SEC16A: variants seen among roughly 807,000 people sequenced by gnomAD.
The protein encoded by SEC16A is SEC16 homolog A, endoplasmic reticulum export factor.
A neutral mutation model predicts 221.9 loss-of-function variants in SEC16A; 110 were observed. That is an observed-to-expected ratio of 0.50 (90% confidence interval 0.42 to 0.58). SEC16A has a LOEUF of 0.58. Ranked by LOEUF, SEC16A falls within the 20% of genes least tolerant of loss-of-function variation. SEC16A has a pLI of 0.00. For synonymous variants in SEC16A, 1,393 were observed against 1,257.7 expected, an observed-to-expected ratio of 1.11 and a Z score of -2.28; for missense variants, 3,165 against 3,097.8, an observed-to-expected ratio of 1.02 and a Z score of -0.52.
rs761311945 is a variant in SEC16A, at chr9:136,443,862, G to C, written c.6966C>G (p.Ser2322Arg). 5 of 1,611,034 alleles carry C rather than the reference G, an allele frequency of 3.1e-6. No individual in the cohort carries two copies. The African/African-American group carries it at 5.4e-5, about 17-fold the overall frequency. ...GDLPAAGGPP[S>R]GAMPFYNPAQ... ...CAGGGTTGTAGAAGGGCATGGCCCC[G>C]CTGGGAGGGCCCCCTGCAGCAGGGA... The change falls in exon 31 of 32, where the codon AGC becomes AGG. Residue 2322 changes from serine (S) to arginine (R), a missense_variant. Coordinates refer to ENST00000684901, the MANE Select transcript of SEC16A (RefSeq NM_014866.2).
rs1349630742 is a variant in SEC16A at position 136,466,985 on chromosome 9, T to C, written c.3901A>G (p.Arg1301Gly). 4 of 1,613,602 alleles carry C rather than the reference T, an allele frequency of 2.5e-6. No homozygotes were observed. The highest frequency in any genetic ancestry group is 1.3e-5 in the African/African-American group (1 of 74,920). The change falls in exon 6 of 32, where the codon AGG (arginine) becomes GGG (glycine). Residue 1301 changes from arginine to glycine, a missense_variant. Physicochemically the swap from Arg to Gly is moderately radical, Grantham distance 125 (BLOSUM62 -2). This residue lies in a region of SEC16A where 2,030 missense variants were observed against 1,923.1 expected (regional missense o/e 1.06). Coordinates refer to ENST00000684901, the MANE Select transcript of SEC16A (RefSeq NM_014866.2). This position sits in a 1 kb window ranked among gnomAD's most constrained non-coding sequence, Gnocchi z 5.5. ...TCCCCGAAGGCAGAGTGCTCTCTCC[T>C]GTATGCGTCATACTCTGCATCACAC... ...YWCDAEYDAYRREHSAFGDRP... is the reference protein window; with the variant it reads ...YWCDAEYDAYGREHSAFGDRP...
intron 4 of SEC16A, among the ~76,000 whole-genome samples, chr9:136,471,477 G>GA (rs1048075850): frequency 2.0e-5 from 3 of 150,972 alleles, no homozygotes; most frequent in East Asian, 1.9e-4. Context: ...TGCCTTAAAA[G>GA]AAAAAAAAAG....
upstream of SEC16A, chr9:136,484,737 A>G (rs958607821): frequency 1.0e-5 from 14 of 1,366,808 alleles, no homozygotes; most frequent in African/African-American, 4.4e-5. Flanking sequence ...ACCAGGGCCA[A>G]TCTGCTCAGC....
chr9:136,467,053 C>T lies in SEC16A; in HGVS notation c.3833G>A (p.Ser1278Asn), dbSNP rs1840255733. ...DPGHWDRYHY[S>N]ARVRDPRTYD... The stretch of plus-strand genomic sequence containing the variant: ...GGTGCGGGGGTCCCTGACTCTAGCA[C>T]TGTAGTGGTAACGATCCCAGTGACC... The change falls in exon 6 of 32, where the codon AGT becomes AAT. Residue 1278 changes from serine to asparagine, a missense_variant. Ser to Asn is a conservative substitution (Grantham distance 46, BLOSUM62 1). This residue lies in a region of SEC16A where 2,030 missense variants were observed against 1,923.1 expected (regional missense o/e 1.06). Transcript: ENST00000684901. 9 of 1,613,954 alleles carry T rather than the reference C, an allele frequency of 5.6e-6. No homozygotes were observed. In the East Asian group the frequency reaches 1.8e-4, roughly 32 times the overall value.
Position 136,443,917 on chromosome 9 carries a change from A to G in SEC16A, c.6928-17T>C, listed in dbSNP as rs1230477848. 1 of 1,600,468 alleles carries G rather than the reference A, an allele frequency of 6.2e-7. No homozygotes were observed. The highest frequency in any genetic ancestry group is 1.7e-5 in the Admixed American group (1 of 58,094). On this transcript the variant is annotated splice_polypyrimidine_tract_variant and intron_variant, in intron 30 of 31. Coordinates refer to ENST00000684901, the MANE Select transcript of SEC16A (RefSeq NM_014866.2). ...GCCAGGAGCCTGAGAAGCACAGAGA[A>G]GTCACCTCAGCAGGGCTGCGCTGCA... is the stretch of plus-strand genomic sequence containing the variant.
intron 1 of SEC16A, 121 bp downstream of exon 1, chr9:136,482,817 T>G (rs1589041419): frequency 4.3e-6 from 1 of 232,758 alleles, no homozygotes; most frequent in South Asian, 1.5e-4. Context: ...CACCGCCCGC[T>G]CGGGGCTGGG....
In SEC16A at chr9:136,466,022, C is replaced by T. The variant is rs200783599; in HGVS notation, c.4243G>A (p.Gly1415Ser). ...TAGCCATACTCTGGGAAGCCGGGGC[C>T]ACTGCTGAAATTGCTGCGGTAGGTG... ...YGTYRSNFSSGPGFPEYGYPA... is the reference protein window; with the variant it reads ...YGTYRSNFSSSPGFPEYGYPA... The change falls in exon 8 of 32, where the codon GGC becomes AGC. Residue 1415 changes from glycine to serine, a missense_variant. Around this residue, in one of 3 missense-constraint regions of SEC16A, gnomAD observed 2,030 missense variants for 1,923.1 expected, o/e 1.06. Coordinates refer to ENST00000684901, the MANE Select transcript of SEC16A (RefSeq NM_014866.2). This position sits in a 1 kb window ranked among gnomAD's most constrained non-coding sequence, Gnocchi z 5.5. 3.9e-5 allele frequency: 63 copies of T among 1,613,498 alleles called. No individual in the cohort carries two copies. The highest frequency in any genetic ancestry group is 4.8e-5 in the Non-Finnish European group (57 of 1,179,860).
At position 136,440,574 on chromosome 9, in the gene SEC16A, A is replaced by G. The variant is rs1313550519; in HGVS notation, c.*1181T>C. The G allele has an allele frequency of 6.5e-6, 1 of 152,700 alleles. No homozygotes were observed. Among genetic ancestry groups the G allele is most frequent in the African/African-American group, 2.4e-5 (1 of 41,468 alleles). The allele number at this position is 152,700 out of a possible 1,614,324, so 9.5% of individuals were successfully genotyped here. A position where few individuals can be genotyped will look rare whatever the true frequency, so the allele number is the denominator to read the frequency against. On this transcript the variant is annotated 3_prime_UTR_variant, in exon 32 of 32. Coordinates refer to ENST00000684901, the MANE Select transcript of SEC16A (RefSeq NM_014866.2). ...TTTCTTCAGTCTCTTTAGACTTGACAAGAATACGAAGAGTTTCAGAACAGT... is the reference window on the plus strand; with the variant it reads ...TTTCTTCAGTCTCTTTAGACTTGACGAGAATACGAAGAGTTTCAGAACAGT...
intron 11 of SEC16A, 85 bp from the exon 12 acceptor site, chr9:136,463,217 C>G: frequency 6.5e-7 from 1 of 1,545,312 alleles, no homozygotes; most frequent in South Asian, 1.2e-5. Flanking sequence ...AAGCCCCACC[C>G]TGGACACAGC....
chr9:136,483,551 C>CG, upstream of SEC16A: 1 of 985,232 alleles, frequency 1.0e-6, no homozygotes, highest in Non-Finnish European at 1.2e-6. Context: ...CCAGGCGCGC[C>CG]GGGGCCGTCC....
chr9:136,445,622 G>A (rs987031334), intron 29 of SEC16A, 23 bp downstream of exon 29: 8 of 1,536,544 alleles, frequency 5.2e-6, no homozygotes, highest in Admixed American at 2.0e-5. Context: ...GCTGCGGGGG[G>A]CCCTGGCGTC....
chr9:136,479,876 C>A (rs1842106585), intron 1 of SEC16A, among the ~76,000 whole-genome samples: 1 of 151,818 alleles, frequency 6.6e-6, no homozygotes, highest in Non-Finnish European at 1.5e-5. Flanking sequence ...GTGGTGCGTG[C>A]CTGTAGTCCC....
At chr9:136,472,561 G>C (rs1369965576) in intron 3 of SEC16A, among the ~76,000 whole-genome samples, 2 of 152,214 alleles carry the variant, frequency 1.3e-5, no homozygotes, top group African/African-American at 4.8e-5. Flanking sequence ...CCTCAGTTAA[G>C]TCAGAGAACC....
At chr9:136,464,617 A>G in intron 8 of SEC16A, 55 bp from the exon 9 acceptor site, 1 of 1,499,606 alleles carries the variant, frequency 6.7e-7, no homozygotes, top group South Asian at 1.2e-5. Flanking sequence ...GATGCTTCTG[A>G]GCCTAGATTT....
chr9:136,459,434 G>T lies in SEC16A; in HGVS notation c.5303+10C>A, dbSNP rs764639582. On this transcript the variant is annotated intron_variant, in intron 16 of 31. Coordinates refer to ENST00000684901, the MANE Select transcript of SEC16A (RefSeq NM_014866.2). This position sits in a 1 kb window ranked among gnomAD's most constrained non-coding sequence, Gnocchi z 6.1. The stretch of plus-strand genomic sequence containing the variant: ...AAAACTTACAGGACTACACTGACTT[G>T]GTTCTTTACCTGTGATTGGATCCGA... The T allele has an allele frequency of 2.1e-5, 34 of 1,583,524 alleles. No homozygotes were observed. In the South Asian group the frequency reaches 3.8e-4, roughly 17 times the overall value.
chr9:136,467,005 T>A lies in SEC16A; in HGVS notation c.3881A>T (p.Asp1294Val). 2 of 1,613,950 alleles carry A rather than the reference T, an allele frequency of 1.2e-6. No individual in the cohort carries two copies. Among genetic ancestry groups the A allele is most frequent in the South Asian group, 2.2e-5 (2 of 91,068 alleles). The part of the protein sequence containing the change: ...PRTYDRRYWC[D>V]AEYDAYRREH... The stretch of plus-strand genomic sequence containing the variant: ...TCTCCTGTATGCGTCATACTCTGCA[T>A]CACACCAATACCTCCGGTCATAGGT... The change falls in exon 6 of 32, where the codon GAT (aspartate) becomes GTT (valine). Residue 1294 changes from aspartate (D) to valine (V), a missense_variant. Around this residue, in one of 3 missense-constraint regions of SEC16A, gnomAD observed 2,030 missense variants for 1,923.1 expected, o/e 1.06. Coordinates refer to ENST00000684901, the MANE Select transcript of SEC16A (RefSeq NM_014866.2).
chr9:136,459,109 C>T lies in SEC16A; in HGVS notation c.5409+25G>A, dbSNP rs1394937601. 6.5e-7 allele frequency: 1 copy of T among 1,545,570 alleles called. No homozygotes were observed. The highest frequency in any genetic ancestry group is 1.1e-5 in the South Asian group (1 of 87,814). ...CTGAGTGCCTGCCCAGCCATGACAG[C>T]TGCAGGCTGGCAGCACCTGCTTACC... On this transcript the variant is annotated intron_variant, in intron 17 of 31. Coordinates refer to ENST00000684901, the MANE Select transcript of SEC16A (RefSeq NM_014866.2). The surrounding 1 kb of genome is among the most constrained non-coding windows in gnomAD (Gnocchi z 6.1).
At chr9:136,452,478 A>AAAAAAAAAAAAAAAAG in intron 22 of SEC16A, among the ~76,000 whole-genome samples, 2 of 142,304 alleles carry the variant, frequency 1.4e-5, no homozygotes, top group Non-Finnish European at 1.5e-5. Flanking sequence ...AAAAAAAAAA[A>AAAAAAAAAAAAAAAAG]GAGATGGCCA....
intron 13 of SEC16A, 139 bp from the exon 14 acceptor site, chr9:136,460,262 G>A (rs1038014912): frequency 3.2e-6 from 2 of 628,868 alleles, no homozygotes; most frequent in African/African-American, 3.7e-5. Flanking sequence ...CAGAAGTTAA[G>A]AGACTAACAT....
Sources: gnomAD v4.1 joint callset for allele counts (sites outside exome capture counted in the v4.1 genomes callset) on GRCh38, gnomAD v4.1.1 for gene constraint, gnomAD v4.1.1 regional missense constraint, Gnocchi (gnomAD v3.1) non-coding constraint, MANE v1.5 for transcripts, NCBI Gene and HGNC (gene_info 2026-07-23, HGNC 2026-07-21) for gene names.